The following HOPX variants were observed in gnomAD, a reference collection of about 807,000 sequenced individuals.
HOPX encodes the protein HOP homeobox, also known as homeodomain-only protein.
In HOPX, 5 loss-of-function variants were observed where a neutral mutation model predicts 11.8. The ratio of observed to expected loss-of-function variants is 0.43; its 90% confidence interval spans 0.22 to 0.89. HOPX has a LOEUF of 0.89. Ranked by LOEUF, HOPX falls within the 40% of genes least tolerant of loss-of-function variation. The pLI is 0.28. For synonymous variants in HOPX, 49 were observed against 49.7 expected, an observed-to-expected ratio of 0.99 and a Z score of 0.06; for missense variants, 119 against 120.0, an observed-to-expected ratio of 0.99 and a Z score of 0.04.
At chr4:56,650,403 A>T (rs1017816374) in intron 3 of HOPX, 1 of 350,892 alleles carries the variant, frequency 2.8e-6, no homozygotes, top group African/African-American at 2.1e-5. Flanking sequence ...GCCTATACAG[A>T]TACTCAGAAT....
chr4:56,661,810 A>C (rs1199440878), intron 1 of HOPX, among the ~76,000 whole-genome samples: 1 of 152,182 alleles, frequency 6.6e-6, no homozygotes, highest in Non-Finnish European at 1.5e-5. Context: ...ATTTTGTGAG[A>C]GTTATGGACT....
chr4:56,656,255 G>A lies in HOPX; in HGVS notation c.43-243C>T, dbSNP rs961704449. On this transcript the variant is annotated intron_variant, in intron 2 of 3. Coordinates refer to ENST00000420433, the MANE Select transcript of HOPX (RefSeq NM_032495.6). ...CTGACGGCAGAGCCTAGCGTCCTGC[G>A]CCTCCCGCGCCCCCCGGGACCCCTT... The A allele has an allele frequency of 3.4e-6, 4 of 1,163,292 alleles. No individual in the cohort carries two copies. In the Admixed American group the frequency reaches 1.4e-4, roughly 40 times the overall value. 72.1% of individuals were successfully genotyped at this position (1,163,292 alleles called of 1,614,324 possible).
intron 1 of HOPX, among the ~76,000 whole-genome samples, chr4:56,658,215 G>T (rs990103738): frequency 5.3e-5 from 8 of 152,138 alleles, no homozygotes; most frequent in Non-Finnish European, 1.0e-4. Context: ...TGACTGTTCT[G>T]CTTATACTTT....
chr4:56,651,881 T>TGA (rs1717224837), intron 3 of HOPX, among the ~76,000 whole-genome samples: 2 of 119,040 alleles, frequency 1.7e-5, no homozygotes, highest in East Asian at 4.1e-4. Flanking sequence ...AGAGTGTGTG[T>TGA]GTGTGTGTGT....
At chr4:56,677,560 GAA>G (rs1414152486) in intron 1 of HOPX, among the ~76,000 whole-genome samples, 1 of 151,696 alleles carries the variant, frequency 6.6e-6, no homozygotes, top group Non-Finnish European at 1.5e-5. Flanking sequence ...CAGAGATGGA[GAA>G]AACAAGCCCT....
In HOPX at chr4:56,660,424, G is replaced by A. The variant is rs773005237; in HGVS notation, c.-83-2525C>T. Among the ~76,000 whole-genome samples the A allele has an allele frequency of 3.3e-5, 5 of 152,084 alleles. No homozygotes were observed. The East Asian group carries it at 5.8e-4, about 18-fold the overall frequency. On this transcript the variant is annotated intron_variant, in intron 1 of 3. Coordinates refer to ENST00000420433, the MANE Select transcript of HOPX (RefSeq NM_032495.6). ...TTTATATATTTAAAAAAACTGGAGA[G>A]AAATACCACAAAATGTTAACAGTGG...
chr4:56,668,427 A>G (rs936204120), intron 1 of HOPX, among the ~76,000 whole-genome samples: 6 of 152,218 alleles, frequency 3.9e-5, no homozygotes, highest in Non-Finnish European at 7.3e-5. Context: ...AGATAGAAAG[A>G]TTTTGGCCTT....
intron 1 of HOPX, chr4:56,672,808 A>G (rs1578360299): frequency 6.6e-6 from 1 of 152,062 alleles, no homozygotes; most frequent in Admixed American, 6.5e-5. Flanking sequence ...CTGGCTAAAA[A>G]AAATTTTTTT....
At chr4:56,676,030 C>T (rs1394461639) in intron 1 of HOPX, among the ~76,000 whole-genome samples, 1 of 151,680 alleles carries the variant, frequency 6.6e-6, no homozygotes, top group African/African-American at 2.4e-5. Flanking sequence ...GGTGTGGTGG[C>T]TCATGCCTGT....
Position 56,676,766 on chromosome 4 carries a change from A to G in HOPX, c.-84+4489T>C, listed in dbSNP as rs1162308841. On this transcript the variant is annotated intron_variant, in intron 1 of 3. Transcript: ENST00000420433. ...CTGTCACAATGTGTCCTCTGGCTGC[A>G]GGGCTGCTCTGGGCTCCGACTGCCT... is the stretch of plus-strand genomic sequence containing the variant. Among the ~76,000 whole-genome samples, 3 of 151,600 alleles carry G rather than the reference A, an allele frequency of 2.0e-5. 1 individual carries two copies. The highest frequency in any genetic ancestry group is 7.3e-5 in the African/African-American group (3 of 40,878).
chr4:56,674,916 TAAAA>T (rs33940899), intron 1 of HOPX, among the ~76,000 whole-genome samples: 4 of 121,724 alleles, frequency 3.3e-5, no homozygotes, highest in Admixed American at 8.3e-5. Flanking sequence ...TCTGGCTAAC[TAAAA>T]AAAAAAAAAA....
intron 1 of HOPX, 32 bp downstream of exon 1, chr4:56,681,223 G>A (rs1289375939): frequency 1.0e-6 from 1 of 983,870 alleles, no homozygotes; most frequent in Non-Finnish European, 1.2e-6. Context: ...TCATTCCTCT[G>A]CATAAAAGGC....
chr4:56,650,793 C>A (rs1717097863), intron 3 of HOPX: 1 of 1,549,804 alleles, frequency 6.5e-7, no homozygotes, highest in South Asian at 1.2e-5. Flanking sequence ...TATTTTGCTC[C>A]TGGAGATCAA....
intron 1 of HOPX, among the ~76,000 whole-genome samples, chr4:56,673,249 TA>T (rs1718833566): frequency 6.6e-6 from 1 of 152,052 alleles, no homozygotes; most frequent in Non-Finnish European, 1.5e-5. Context: ...AGATACATCT[TA>T]AAATTATAGT....
chr4:56,650,554 G>T, intron 3 of HOPX: 1 of 965,278 alleles, frequency 1.0e-6, no homozygotes, highest in Non-Finnish European at 1.6e-6. Context: ...AGGCTCTGCA[G>T]GACTGCTTTG....
chr4:56,668,548 CT>C (rs1560372049), intron 1 of HOPX, among the ~76,000 whole-genome samples: 1 of 152,016 alleles, frequency 6.6e-6, no homozygotes, highest in Non-Finnish European at 1.5e-5. Flanking sequence ...TGTGTCTGTT[CT>C]TTTTTTAGTT....
intron 1 of HOPX, chr4:56,672,899 G>C (rs1473708123): frequency 2.0e-5 from 3 of 152,198 alleles, no homozygotes; most frequent in Non-Finnish European, 4.4e-5. Flanking sequence ...AAAATTATTT[G>C]TCACTCAATC....
At chr4:56,648,993 A>C (rs1412635381) in intron 3 of HOPX, 196 bp from the exon 4 acceptor site, 1 of 480,390 alleles carries the variant, frequency 2.1e-6, no homozygotes, top group Non-Finnish European at 3.8e-6. Context: ...TATGTTTAGA[A>C]TATTCTCTCT....
chr4:56,669,804 A>C (rs961569961), intron 1 of HOPX, among the ~76,000 whole-genome samples: 9 of 152,144 alleles, frequency 5.9e-5, no homozygotes, highest in Non-Finnish European at 1.3e-4. Flanking sequence ...TTAGGTAGAG[A>C]ATAGTAAAAA....
Sources: gnomAD v4.1 joint callset for allele counts (sites outside exome capture counted in the v4.1 genomes callset) on GRCh38, gnomAD v4.1.1 for gene constraint, MANE v1.5 for transcripts, NCBI Gene and HGNC (gene_info 2026-07-23, HGNC 2026-07-21) for gene names.